CALCR: variants seen among roughly 807,000 people sequenced by gnomAD.
The protein encoded by CALCR is calcitonin receptor.
CALCR carries 47 observed loss-of-function variants against 59.5 expected under a neutral mutation model. The observed-to-expected ratio is 0.79, with a 90% CI of 0.63 to 1.01. The LOEUF is 1.01. CALCR is among the 50% of genes least tolerant of loss of function. The probability of loss-of-function intolerance (pLI) is 0.00; values close to 1 mark genes in which losing one functional copy is unlikely to be tolerated. For synonymous variants in CALCR, 213 were observed against 211.3 expected, an observed-to-expected ratio of 1.01 and a Z score of -0.07; for missense variants, 566 against 597.1, an observed-to-expected ratio of 0.95 and a Z score of 0.54.
At chr7:93,504,946 T>C (rs1255731239) in intron 2 of CALCR, among the ~76,000 whole-genome samples, 1 of 152,152 alleles carries the variant, frequency 6.6e-6, no homozygotes, top group African/African-American at 2.4e-5. Flanking sequence ...TCTCTGAAGA[T>C]GCTGCTGCAA....
chr7:93,533,784 T>C lies in CALCR; in HGVS notation c.-27+40505A>G, dbSNP rs532259936. Among the ~76,000 whole-genome samples the C allele has an allele frequency of 4.6e-5, 7 of 151,936 alleles. No individual in the cohort carries two copies. The South Asian group carries it at 1.0e-3, about 23-fold the overall frequency. On this transcript the variant is annotated intron_variant, in intron 2 of 13. Coordinates refer to ENST00000426151, the MANE Select transcript of CALCR (RefSeq NM_001742.4). ...AAGTGTCAATGTTTTAGAAGCTTTT[T>C]TTTCTCCTTTCCCAGTAAATTAAAA...
At chr7:93,513,576 A>G (rs1801593135) in intron 2 of CALCR, among the ~76,000 whole-genome samples, 2 of 152,032 alleles carry the variant, frequency 1.3e-5, no homozygotes, top group African/African-American at 4.8e-5. Context: ...AACTTTGCAG[A>G]TGGCATCGTG....
rs9640613 is a variant in CALCR at position 93,440,958 on chromosome 7, A to C, written c.802+2646T>G. 5.3e-5 allele frequency among the ~76,000 whole-genome samples: 8 copies of C among 152,140 alleles called. 1 individual carries two copies. In the South Asian group the frequency reaches 1.7e-3, roughly 32 times the overall value. On this transcript the variant is annotated intron_variant, in intron 9 of 13. Transcript: ENST00000426151. ...CAGAAGCTTAAGGTATCACATAAAC[A>C]ATTTACTTATTATTATTGCCTTTGT... is the stretch of plus-strand genomic sequence containing the variant.
intron 8 of CALCR, among the ~76,000 whole-genome samples, chr7:93,449,488 C>T (rs1022548427): frequency 3.2e-4 from 49 of 151,886 alleles, no homozygotes; most frequent in Admixed American, 3.2e-3. Flanking sequence ...GATTCATCAC[C>T]TTTATGTCTC....
At chr7:93,451,524 C>T (rs1400585776) in intron 8 of CALCR, among the ~76,000 whole-genome samples, 3 of 151,936 alleles carry the variant, frequency 2.0e-5, no homozygotes, top group Admixed American at 2.0e-4. Context: ...TTCCACCCCT[C>T]CATCCCAAAC....
intron 8 of CALCR, among the ~76,000 whole-genome samples, chr7:93,449,779 G>A (rs752461225): frequency 5.3e-5 from 8 of 151,938 alleles, no homozygotes; most frequent in Non-Finnish European, 7.4e-5. Flanking sequence ...TATCTGCAGC[G>A]GTCAGGCTGC....
intron 9 of CALCR, among the ~76,000 whole-genome samples, chr7:93,442,412 C>G (rs1175675970): frequency 6.6e-6 from 1 of 152,100 alleles, no homozygotes; most frequent in Non-Finnish European, 1.5e-5. Flanking sequence ...AACCATGTAC[C>G]CCTGTTATGT....
intron 2 of CALCR, among the ~76,000 whole-genome samples, chr7:93,554,275 A>G (rs1168006242): frequency 6.6e-6 from 1 of 152,184 alleles, no homozygotes; most frequent in Non-Finnish European, 1.5e-5. Context: ...ATTACAAGTC[A>G]TGTGTTAGAC....
At chr7:93,460,737 A>C in intron 8 of CALCR, 84 bp downstream of exon 8, 1 of 1,040,848 alleles carries the variant, frequency 9.6e-7, no homozygotes, top group Non-Finnish European at 1.4e-6. Flanking sequence ...CAGCTGCTTA[A>C]GTCCAACATG....
At chr7:93,428,588 C>T (rs1212276590) in intron 13 of CALCR, among the ~76,000 whole-genome samples, 1 of 152,116 alleles carries the variant, frequency 6.6e-6, no homozygotes, top group Non-Finnish European at 1.5e-5. Flanking sequence ...ATCATGAGAT[C>T]AGGAGATCGA....
chr7:93,487,586 T>C (rs916209298), intron 2 of CALCR, among the ~76,000 whole-genome samples: 1 of 151,558 alleles, frequency 6.6e-6, no homozygotes, highest in African/African-American at 2.4e-5. Flanking sequence ...TCACCATTCA[T>C]ACTGAAGAGC....
intron 2 of CALCR, among the ~76,000 whole-genome samples, chr7:93,504,140 A>G (rs2116013799): frequency 6.6e-6 from 1 of 152,306 alleles, no homozygotes; most frequent in East Asian, 1.9e-4. Flanking sequence ...ACAGCTTCCA[A>G]CAATATACAA....
At chr7:93,570,910 T>C (rs1228353625) in intron 2 of CALCR, among the ~76,000 whole-genome samples, 3 of 152,222 alleles carry the variant, frequency 2.0e-5, no homozygotes, top group Non-Finnish European at 1.5e-5. Context: ...AAATTACTGT[T>C]AGAAGTATTG....
chr7:93,571,530 C>A (rs1790004425), intron 2 of CALCR, among the ~76,000 whole-genome samples: 1 of 151,536 alleles, frequency 6.6e-6, no homozygotes, highest in South Asian at 2.1e-4. Context: ...GTGCCCAAAT[C>A]ACACAGATAG....
intron 8 of CALCR, among the ~76,000 whole-genome samples, chr7:93,447,325 T>G (rs537217056): frequency 6.6e-6 from 1 of 152,158 alleles, no homozygotes; most frequent in Admixed American, 6.6e-5. Context: ...TCCTATTATA[T>G]TTTTCAAGGA....
At chr7:93,437,955 G>T in intron 11 of CALCR, 105 bp downstream of exon 11, 2 of 1,032,874 alleles carry the variant, frequency 1.9e-6, no homozygotes, top group Non-Finnish European at 2.9e-6. Context: ...CATCAAATTA[G>T]CTTCATTTTG....
chr7:93,477,519 C>T lies in CALCR; in HGVS notation c.316+39G>A, dbSNP rs773885872. ...CTCAAAACCATGAAAACTCTAAAAG[C>T]TTCATAGCAAGAACATAAAATGAAA... On this transcript the variant is annotated intron_variant, in intron 5 of 13. Transcript: ENST00000426151. 16 of 1,382,558 alleles carry T rather than the reference C, an allele frequency of 1.2e-5. No homozygotes were observed. In the Middle Eastern group the frequency reaches 7.1e-4, roughly 61 times the overall value. The allele number at this position is 1,382,558 out of a possible 1,614,324, so 85.6% of individuals were successfully genotyped here.
chr7:93,446,127 T>C (rs950852890), intron 8 of CALCR, among the ~76,000 whole-genome samples: 1 of 151,926 alleles, frequency 6.6e-6, no homozygotes, highest in African/African-American at 2.4e-5. Flanking sequence ...AAAGACAAAT[T>C]TGCAAAGGTG....
chr7:93,485,378 A>T (rs1023777300), intron 3 of CALCR, among the ~76,000 whole-genome samples: 1 of 151,870 alleles, frequency 6.6e-6, no homozygotes, highest in Middle Eastern at 3.4e-3. Flanking sequence ...TTTGAATAAA[A>T]ATGACCTACG....
Sources: gnomAD v4.1 joint callset for allele counts (sites outside exome capture counted in the v4.1 genomes callset) on GRCh38, gnomAD v4.1.1 for gene constraint, MANE v1.5 for transcripts, NCBI Gene and HGNC (gene_info 2026-07-23, HGNC 2026-07-21) for gene names.